SLC39A7: variants seen among roughly 807,000 people sequenced by gnomAD.
SLC39A7 encodes the protein solute carrier family 39 member 7, also known as zinc transporter SLC39A7.
A neutral mutation model predicts 39.7 loss-of-function variants in SLC39A7; 25 were observed. That is an observed-to-expected ratio of 0.63 (90% confidence interval 0.46 to 0.88). The LOEUF is 0.88. Ranked by LOEUF, SLC39A7 falls within the 40% of genes least tolerant of loss-of-function variation. SLC39A7 has a pLI of 0.00. For missense variants in SLC39A7, 501 were observed against 592.1 expected, an observed-to-expected ratio of 0.85 and a Z score of 1.60; for synonymous variants, 181 against 234.1, an observed-to-expected ratio of 0.77 and a Z score of 2.07.
Position 33,202,071 on chromosome 6 carries a change from G to C in SLC39A7, c.581-1G>C. On this transcript the variant is annotated splice_acceptor_variant, in intron 2 of 6. Coordinates refer to ENST00000374677, the MANE Select transcript of SLC39A7 (RefSeq NM_006979.3). LOFTEE classifies it high-confidence loss of function. ...CATCTGGTTTTCCCCCCTTCTTCCA[G>C]AACCTCATTCTCACCACACTCTGGA... is the stretch of plus-strand genomic sequence containing the variant. 6.2e-7 allele frequency: 1 copy of C among 1,612,774 alleles called. No homozygotes were observed. Among genetic ancestry groups the C allele is most frequent in the Non-Finnish European group, 8.5e-7 (1 of 1,179,946 alleles).
chr6:33,204,421 T>A lies in SLC39A7; in HGVS notation c.*608T>A. 3.3e-6 allele frequency: 2 copies of A among 599,440 alleles called. No homozygotes were observed. Among genetic ancestry groups the A allele is most frequent in the South Asian group, 3.9e-5 (2 of 50,660 alleles). 37.1% of individuals were successfully genotyped at this position (599,440 alleles called of 1,614,324 possible). ...GGGGTGGTAACCGGAAATAAAGACC[T>A]CCGATCTTCCGCCCCACATGCAGTC... On this transcript the variant is annotated 3_prime_UTR_variant, in exon 7 of 7. Transcript: ENST00000374677.
intron 3 of SLC39A7, 56 bp from the exon 4 acceptor site, chr6:33,202,204 TGAG>T (rs1196015427): frequency 6.2e-5 from 99 of 1,589,692 alleles, no homozygotes; most frequent in Non-Finnish European, 7.8e-5. Context: ...CTCCCGCACT[TGAG>T]GAGGAGGAGT....
At chr6:33,203,216 A>C (rs1157255739) in intron 6 of SLC39A7, 110 bp downstream of exon 6, 1 of 973,558 alleles carries the variant, frequency 1.0e-6, no homozygotes, top group Non-Finnish European at 1.5e-6. Flanking sequence ...TGTCATTGAC[A>C]AGTCCTCTAG....
Position 33,201,180 on chromosome 6 carries a change from C to G in SLC39A7, c.-66C>G. 8 of 1,477,018 alleles carry G rather than the reference C, an allele frequency of 5.4e-6. No individual in the cohort carries two copies. The highest frequency in any genetic ancestry group is 7.3e-6 in the Non-Finnish European group (8 of 1,092,050). The allele number at this position is 1,477,018 out of a possible 1,614,324, so 91.5% of individuals were successfully genotyped here. A position where few individuals can be genotyped will look rare whatever the true frequency, so the allele number is the denominator to read the frequency against. ...GACGGAGGGCGCGATTGGAGTAAAG[C>G]GGACCCTGTGTAGGTATAGAGTTGA... On this transcript the variant is annotated 5_prime_UTR_variant, in exon 1 of 7. Transcript: ENST00000374677. The surrounding 1 kb of genome is among the most constrained non-coding windows in gnomAD (Gnocchi z 5.9).
chr6:33,202,569 C>T lies in SLC39A7; in HGVS notation c.809C>T (p.Thr270Ile). 1 of 1,604,616 alleles carries T rather than the reference C, an allele frequency of 6.2e-7. No individual in the cohort carries two copies. Among genetic ancestry groups the T allele is most frequent in the Non-Finnish European group, 8.5e-7 (1 of 1,177,376 alleles). Residue 270 changes from threonine (T) to isoleucine (I), a missense_variant, in exon 5 of 7, where the codon ACC becomes ATC. By Grantham distance (89) the Thr-to-Ile change is moderately conservative. Transcript: ENST00000374677. The stretch of plus-strand genomic sequence containing the variant: ...TCTTTTCTTCCCTCAGAGCGTTCTA[C>T]CAAGGAGAAGCAGAGCTCAGAGGAA... ...SHGHGRQERS[T>I]KEKQSSEEEE...
chr6:33,203,687 C>T lies in SLC39A7; in HGVS notation c.1284C>T (p.Ile428=). 6.2e-7 allele frequency: 1 copy of T among 1,614,238 alleles called. No homozygotes were observed. The highest frequency in any genetic ancestry group is 1.3e-5 in the African/African-American group (1 of 75,064). Residue 428 remains isoleucine, a synonymous_variant, in exon 7 of 7, where the codon ATC becomes ATT. Coordinates refer to ENST00000374677, the MANE Select transcript of SLC39A7 (RefSeq NM_006979.3). ...TGCCATTTACTGCAGGTGGCTTTAT[C>T]TACGTAGCAACAGTGTCTGTGTTGC... is the stretch of plus-strand genomic sequence containing the variant. ...WVLPFTAGGF[I]YVATVSVLPE...
chr6:33,204,157 G>A lies in SLC39A7; in HGVS notation c.*344G>A, dbSNP rs1774833328. The stretch of plus-strand genomic sequence containing the variant: ...CTCGGAGAACCAAGTTGCTACACAG[G>A]AAGTTCTCCAAGGTCCAGTTTCCTT... On this transcript the variant is annotated 3_prime_UTR_variant, in exon 7 of 7. Transcript: ENST00000374677. The A allele has an allele frequency of 4.1e-6, 2 of 491,710 alleles. No individual in the cohort carries two copies. Among genetic ancestry groups the A allele is most frequent in the African/African-American group, 1.9e-5 (1 of 51,908 alleles). 30.5% of individuals were successfully genotyped at this position (491,710 alleles called of 1,614,324 possible). A position where few individuals can be genotyped will look rare whatever the true frequency, so the allele number is the denominator to read the frequency against.
chr6:33,202,511 A>G (rs1774681227), intron 4 of SLC39A7, 49 bp from the exon 5 acceptor site: 1 of 1,593,668 alleles, frequency 6.3e-7, no homozygotes, highest in Non-Finnish European at 8.5e-7. Flanking sequence ...GGGAGAGGAC[A>G]TGTTGGAAGA....
chr6:33,201,835 C>G lies in SLC39A7; in HGVS notation c.502C>G (p.Leu168Val), dbSNP rs1001951266. The change falls in exon 2 of 7, where the codon CTA (leucine) becomes GTA (valine). Residue 168 changes from leucine (L) to valine (V), a missense_variant. Physicochemically the swap from Leu to Val is conservative, Grantham distance 32 (BLOSUM62 1). Coordinates refer to ENST00000374677, the MANE Select transcript of SLC39A7 (RefSeq NM_006979.3). This position sits in a 1 kb window ranked among gnomAD's most constrained non-coding sequence, Gnocchi z 5.9. ...GTCGAACTCTCCCCGGCATCGCTCT[C>G]TACTTCAGATCTTGCTCAGTTTTGC... is the stretch of plus-strand genomic sequence containing the variant. Reference protein sequence around the residue: ...VESNSPRHRSLLQILLSFASG... With the variant: ...VESNSPRHRSVLQILLSFASG... The G allele has an allele frequency of 8.7e-6, 14 of 1,613,130 alleles. No individual in the cohort carries two copies. The highest frequency in any genetic ancestry group is 1.3e-5 in the African/African-American group (1 of 74,932).
In SLC39A7 at chr6:33,201,421, GCCATGC is replaced by G. The variant is rs1175430129; in HGVS notation, c.182_187del (p.Ala61_His62del). 18 of 1,613,876 alleles carry G rather than the reference GCCATGC, an allele frequency of 1.1e-5. No individual in the cohort carries two copies. In the African/African-American group the frequency reaches 1.3e-4, roughly 12 times the overall value. ...CATGAAGATTTCCACCATGGCCACA[GCCATGC>G]CCATGGCCATGGCCACACTCACGAG... On this transcript the variant is annotated inframe_deletion, in exon 1 of 7. Transcript: ENST00000374677. The surrounding 1 kb of genome is among the most constrained non-coding windows in gnomAD (Gnocchi z 5.9).
Position 33,201,558 on chromosome 6 carries a change from G to A in SLC39A7, c.313G>A (p.Gly105Arg), listed in dbSNP as rs767448074. 3 of 1,614,162 alleles carry A rather than the reference G, an allele frequency of 1.9e-6. No homozygotes were observed. The highest frequency in any genetic ancestry group is 2.5e-6 in the Non-Finnish European group (3 of 1,179,996). The change falls in exon 1 of 7, where the codon GGA becomes AGA. Residue 105 changes from glycine (G) to arginine (R), a missense_variant. Transcript: ENST00000374677. This position sits in a 1 kb window ranked among gnomAD's most constrained non-coding sequence, Gnocchi z 5.9. ...GYSHESLYHRGHGHDHEHSHG... is the reference protein window; with the variant it reads ...GYSHESLYHRRHGHDHEHSHG... ...CTCCCATGAGAGCCTCTACCACAGA[G>A]GACATGGACATGACCATGAGCATAG...
At position 33,201,761 on chromosome 6, in the gene SLC39A7, T is replaced by G. The variant is rs572610614; in HGVS notation, c.428T>G (p.Val143Gly). 8 of 1,614,138 alleles carry G rather than the reference T, an allele frequency of 5.0e-6. No homozygotes were observed. The highest frequency in any genetic ancestry group is 6.8e-6 in the Non-Finnish European group (8 of 1,180,044). The change falls in exon 2 of 7, where the codon GTG (valine) becomes GGG (glycine). Residue 143 changes from valine to glycine, a missense_variant. By Grantham distance (109) the Val-to-Gly change is moderately radical (BLOSUM62 -3). Transcript: ENST00000374677. The surrounding 1 kb of genome is among the most constrained non-coding windows in gnomAD (Gnocchi z 5.9). ...TLWAYALGAT[V>G]LISAAPFFVL... ...CCTCACCAGGCACTGGGGGCCACAG[T>G]GCTGATCTCAGCAGCTCCATTTTTT...
rs1774813498 is a variant in SLC39A7, at chr6:33,203,885, G to A, written c.*72G>A. On this transcript the variant is annotated 3_prime_UTR_variant, in exon 7 of 7. Coordinates refer to ENST00000374677, the MANE Select transcript of SLC39A7 (RefSeq NM_006979.3). ...GGTCAGGGGTGCGTAGAGGTTGGGG[G>A]CCCTGGCCAGGGACATCTGCCAAAG... The A allele has an allele frequency of 4.0e-6, 6 of 1,497,532 alleles. No individual in the cohort carries two copies. The South Asian group carries it at 5.7e-5, about 14-fold the overall frequency. 92.8% of individuals were successfully genotyped at this position (1,497,532 alleles called of 1,614,324 possible).
chr6:33,201,186 C>T lies in SLC39A7; in HGVS notation c.-60C>T. ...GGGCGCGATTGGAGTAAAGCGGACC[C>T]TGTGTAGGTATAGAGTTGAGTCAAG... On this transcript the variant is annotated 5_prime_UTR_variant, in exon 1 of 7. Coordinates refer to ENST00000374677, the MANE Select transcript of SLC39A7 (RefSeq NM_006979.3). The surrounding 1 kb of genome is among the most constrained non-coding windows in gnomAD (Gnocchi z 5.9). 6.6e-7 allele frequency: 1 copy of T among 1,504,336 alleles called. No homozygotes were observed. Among genetic ancestry groups the T allele is most frequent in the Non-Finnish European group, 9.0e-7 (1 of 1,113,258 alleles). 93.2% of individuals were successfully genotyped at this position (1,504,336 alleles called of 1,614,324 possible). A position where few individuals can be genotyped will look rare whatever the true frequency, so the allele number is the denominator to read the frequency against.
At chr6:33,203,237 G>T (rs181434760) in intron 6 of SLC39A7, 131 bp downstream of exon 6, 9 of 845,146 alleles carry the variant, frequency 1.1e-5, no homozygotes, top group Admixed American at 2.8e-5. Flanking sequence ...AAATGAGGGG[G>T]AAGAAGTTCT....
chr6:33,202,750 T>G, intron 5 of SLC39A7, 50 bp downstream of exon 5: 1 of 1,569,122 alleles, frequency 6.4e-7, no homozygotes, highest in Non-Finnish European at 8.6e-7. Flanking sequence ...TCATCACAAA[T>G]CACATGGAAT....
intron 5 of SLC39A7, 85 bp from the exon 6 acceptor site, chr6:33,202,825 A>C: frequency 6.4e-7 from 1 of 1,560,688 alleles, no homozygotes; most frequent in Admixed American, 2.0e-5. Context: ...GTGGTCTCTG[A>C]GGGGAGGTGT....
rs905949732 is a variant in SLC39A7, at chr6:33,202,975, G to C, written c.1006G>C (p.Ala336Pro). Residue 336 changes from alanine to proline, a missense_variant, in exon 6 of 7, where the codon GCC (alanine) becomes CCC (proline). Physicochemically the swap from Ala to Pro is conservative, Grantham distance 27. Transcript: ENST00000374677. ...DLAHNFTDGL[A>P]IGASFRGGRG... ...GGCACACAACTTCACTGATGGTCTG[G>C]CCATTGGGGCTTCCTTTCGAGGGGG... The C allele has an allele frequency of 2.5e-6, 4 of 1,612,592 alleles. No individual in the cohort carries two copies. Among genetic ancestry groups the C allele is most frequent in the Non-Finnish European group, 3.4e-6 (4 of 1,179,892 alleles).
chr6:33,200,922 A>C lies in SLC39A7; in HGVS notation c.-324A>C. 1 of 1,102,436 alleles carries C rather than the reference A, an allele frequency of 9.1e-7. No homozygotes were observed. Among genetic ancestry groups the C allele is most frequent in the Non-Finnish European group, 1.3e-6 (1 of 746,984 alleles). 68.3% of individuals were successfully genotyped at this position (1,102,436 alleles called of 1,614,324 possible). On this transcript the variant is annotated 5_prime_UTR_variant, in exon 1 of 7. Coordinates refer to ENST00000374677, the MANE Select transcript of SLC39A7 (RefSeq NM_006979.3). This position sits in a 1 kb window ranked among gnomAD's most constrained non-coding sequence, Gnocchi z 6.3. ...CCACGTCCAAGCAAACCGGGAAAGG[A>C]GAGGATCCCGGAGCCGGTGAGAATT...
Sources: allele counts gnomAD v4.1 joint callset, GRCh38; gene constraint gnomAD v4.1.1; non-coding constraint Gnocchi (gnomAD v3.1); transcripts MANE v1.5; gene names NCBI Gene and HGNC (gene_info 2026-07-23, HGNC 2026-07-21).